Variants in GABRG2 observed in about 807,000 individuals in gnomAD.
GABRG2 encodes the protein gamma-aminobutyric acid receptor subunit gamma-2.
A neutral mutation model predicts 56.4 loss-of-function variants in GABRG2; 16 were observed. The observed-to-expected ratio is 0.28, with a 90% CI of 0.19 to 0.43. The LOEUF (loss-of-function observed/expected upper bound fraction) is 0.43, where lower values mean the gene tolerates loss of function less well. Among genes scored for constraint, GABRG2 ranks in the 20% least tolerant of loss-of-function variants. GABRG2 has a pLI of 1.00. For synonymous variants in GABRG2, 208 were observed against 205.5 expected, an observed-to-expected ratio of 1.01 and a Z score of -0.10; for missense variants, 327 against 582.7, an observed-to-expected ratio of 0.56 and a Z score of 4.52.
intron 6 of GABRG2, among the ~76,000 whole-genome samples, chr5:162,127,011 G>A (rs1414025680): frequency 6.6e-6 from 1 of 151,852 alleles, no homozygotes; most frequent in Non-Finnish European, 1.5e-5. Flanking sequence ...AAATTCCAGA[G>A]GTAATTTCCA....
intron 6 of GABRG2, among the ~76,000 whole-genome samples, chr5:162,125,284 C>T: frequency 6.6e-6 from 1 of 151,218 alleles, no homozygotes; most frequent in Non-Finnish European, 1.5e-5. Context: ...TGCGAGTGTT[C>T]TTTTTAATCT....
Position 162,094,610 on chromosome 5 carries a change from T to G in GABRG2, c.259+631T>G, listed in dbSNP as rs867613937. ...ACTGGCACACTCGCTTTTGTATATA[T>G]ATTATTAGCCGAAGCCAATCAGATG... On this transcript the variant is annotated intron_variant, in intron 2 of 9. Transcript: ENST00000639213. 4 of 153,410 alleles carry G rather than the reference T, an allele frequency of 2.6e-5. 1 individual carries two copies. The highest frequency in any genetic ancestry group is 1.9e-4 in the Admixed American group (3 of 15,400). The allele number at this position is 153,410 out of a possible 1,614,324, so 9.5% of individuals were successfully genotyped here. A position where few individuals can be genotyped will look rare whatever the true frequency, so the allele number is the denominator to read the frequency against.
At chr5:162,108,828 C>T (rs1475176694) in intron 6 of GABRG2, among the ~76,000 whole-genome samples, 1 of 152,092 alleles carries the variant, frequency 6.6e-6, no homozygotes, top group Non-Finnish European at 1.5e-5. Flanking sequence ...TTAACTCCTC[C>T]AAGAGCATTT....
At chr5:162,088,309 C>T (rs1760290370) in intron 1 of GABRG2, among the ~76,000 whole-genome samples, 1 of 152,150 alleles carries the variant, frequency 6.6e-6, no homozygotes, top group South Asian at 2.1e-4. Flanking sequence ...TCTGCCTGTT[C>T]CTACACTGTT....
intron 6 of GABRG2, among the ~76,000 whole-genome samples, chr5:162,128,054 A>C (rs925154673): frequency 2.6e-5 from 4 of 152,024 alleles, no homozygotes; most frequent in African/African-American, 9.7e-5. Context: ...AATGGAAAGC[A>C]TGTGATATAT....
chr5:162,078,712 C>T (rs1169629595), intron 1 of GABRG2, among the ~76,000 whole-genome samples: 1 of 151,512 alleles, frequency 6.6e-6, no homozygotes, highest in Admixed American at 6.6e-5. Flanking sequence ...GCCACCCCGA[C>T]CTATTATTTT....
chr5:162,129,158 A>G (rs1412882548), intron 6 of GABRG2: 1 of 152,036 alleles, frequency 6.6e-6, no homozygotes, highest in Non-Finnish European at 1.5e-5. Flanking sequence ...CCAAACTGGC[A>G]TAGGAAAGCA....
rs1753803130 is a variant in GABRG2, at chr5:162,155,425, CTTA to C, written c.*2062_*2064del. On this transcript the variant is annotated 3_prime_UTR_variant, in exon 10 of 10. Coordinates refer to ENST00000639213, the MANE Select transcript of GABRG2 (RefSeq NM_198904.4). ...AATATATATTATATATAATCTAATA[CTTA>C]TTATAAGCTGCTCCCTGTCTATGTA... The C allele has an allele frequency of 6.6e-6, 1 of 152,358 alleles. No individual in the cohort carries two copies. Among genetic ancestry groups the C allele is most frequent in the African/African-American group, 2.4e-5 (1 of 41,372 alleles). 9.4% of individuals were successfully genotyped at this position (152,358 alleles called of 1,614,324 possible).
chr5:162,110,097 CA>C (rs1298404668), intron 6 of GABRG2, among the ~76,000 whole-genome samples: 6 of 151,964 alleles, frequency 3.9e-5, no homozygotes, highest in Admixed American at 3.9e-4. Context: ...TCTTAGATTC[CA>C]TGTTCTAGTT....
chr5:162,103,843 C>T lies in GABRG2; in HGVS notation c.632-46C>T, dbSNP rs149989094. 1.6e-3 allele frequency: 2,506 copies of T among 1,608,042 alleles called. 49 individuals are homozygous for T. In the African/African-American group the frequency reaches 0.03, roughly 19 times the overall value. On this transcript the variant is annotated intron_variant, in intron 5 of 9. Transcript: ENST00000639213. ...TCATAGAAGATGGTTGCTACATATG[C>T]TAATTTATAATCATTTTTAATGTGA...
At chr5:162,138,656 G>C (rs1175340167) in intron 6 of GABRG2, among the ~76,000 whole-genome samples, 1 of 152,110 alleles carries the variant, frequency 6.6e-6, no homozygotes, top group Non-Finnish European at 1.5e-5. Flanking sequence ...TAACCTAGTA[G>C]AATAAGATAC....
At chr5:162,108,428 A>G (rs1411509682) in intron 6 of GABRG2, among the ~76,000 whole-genome samples, 1 of 152,152 alleles carries the variant, frequency 6.6e-6, no homozygotes, top group Non-Finnish European at 1.5e-5. Context: ...CCAGTCTTAC[A>G]CTCACATTGA....
chr5:162,142,899 T>TAA (rs367608649), intron 7 of GABRG2: 47,481 of 144,690 alleles, frequency 0.33, 7,581 homozygotes, highest in East Asian at 0.48. Context: ...TAAAGCATAA[T>TAA]AAAAAAAAAA....
chr5:162,073,267 G>T (rs959260895), intron 1 of GABRG2, among the ~76,000 whole-genome samples: 2 of 148,330 alleles, frequency 1.3e-5, no homozygotes, highest in Admixed American at 6.8e-5. Context: ...CTGAAATTAG[G>T]TTTTTTTTTT....
rs564593665 is a variant in GABRG2, at chr5:162,073,268, T to G, written c.107+5162T>G. Among the ~76,000 whole-genome samples the G allele has an allele frequency of 3.3e-3, 451 of 138,294 alleles. 3 individuals are homozygous for G. The highest frequency in any genetic ancestry group is 0.013 in the African/African-American group (427 of 32,434). 90.7% of individuals were successfully genotyped at this position (138,294 alleles called of 152,430 possible). ...TGCTTAGCAGCAGTCTGAAATTAGG[T>G]TTTTTTTTTAATATAAGAGCATATT... On this transcript the variant is annotated intron_variant, in intron 1 of 9. Coordinates refer to ENST00000639213, the MANE Select transcript of GABRG2 (RefSeq NM_198904.4).
At chr5:162,070,801 T>C (rs1010094607) in intron 1 of GABRG2, among the ~76,000 whole-genome samples, 10 of 151,996 alleles carry the variant, frequency 6.6e-5, no homozygotes, top group African/African-American at 1.9e-4. Context: ...ATTCCTACAC[T>C]ATACACTGAA....
intron 1 of GABRG2, among the ~76,000 whole-genome samples, chr5:162,076,223 G>A (rs1344544958): frequency 6.6e-6 from 1 of 152,004 alleles, no homozygotes; most frequent in South Asian, 2.1e-4. Context: ...ATATTAAGGG[G>A]CACATAGTTA....
In GABRG2 at chr5:162,153,467, T is replaced by C; in HGVS notation, c.*99T>C. 1.5e-6 allele frequency: 2 copies of C among 1,372,910 alleles called. No homozygotes were observed. The highest frequency in any genetic ancestry group is 2.1e-6 in the Non-Finnish European group (2 of 964,882). The allele number at this position is 1,372,910 out of a possible 1,614,324, so 85.0% of individuals were successfully genotyped here. A position where few individuals can be genotyped will look rare whatever the true frequency, so the allele number is the denominator to read the frequency against. On this transcript the variant is annotated 3_prime_UTR_variant, in exon 10 of 10. Transcript: ENST00000639213. ...AAATAATCCTCTATGTGGTTGATAA[T>C]GATCTGAATCTGTTTCTATGTCCAA...
intron 6 of GABRG2, among the ~76,000 whole-genome samples, chr5:162,125,012 A>T (rs932498256): frequency 1.3e-5 from 2 of 151,030 alleles, no homozygotes; most frequent in Non-Finnish European, 3.0e-5. Flanking sequence ...AACTAAGCAT[A>T]TCAAAAACAG....
Sources: gnomAD v4.1 joint callset for allele counts (sites outside exome capture counted in the v4.1 genomes callset) on GRCh38, gnomAD v4.1.1 for gene constraint, MANE v1.5 for transcripts, NCBI Gene and HGNC (gene_info 2026-07-23, HGNC 2026-07-21) for gene names.